The following TCF20 variants were observed in gnomAD, a reference collection of about 807,000 sequenced individuals.
The protein encoded by TCF20 is transcription factor 20.
In TCF20, 3 loss-of-function variants were observed where a neutral mutation model predicts 148.6. The ratio of observed to expected loss-of-function variants is 0.02; its 90% CI spans 0.01 to 0.05. TCF20 has a LOEUF of 0.05. TCF20 is among the 10% of genes least tolerant of loss of function. The pLI is 1.00. For missense variants in TCF20, 2,350 were observed against 2,429.3 expected (o/e 0.97, Z 0.69); for synonymous variants, 1,049 against 909.5 (o/e 1.15, Z -2.76).
chr22:42,283,182 C>T (rs926174935), intron 1 of TCF20, among the ~76,000 whole-genome samples: 5 of 152,250 alleles, frequency 3.3e-5, no homozygotes, highest in African/African-American at 1.2e-4. Flanking sequence ...TCGGCCCTCG[C>T]TCCGTGCCCA....
intron 2 of TCF20, among the ~76,000 whole-genome samples, chr22:42,192,133 C>T (rs545783746): frequency 1.3e-5 from 2 of 152,274 alleles, no homozygotes; most frequent in Non-Finnish European, 1.5e-5. Flanking sequence ...TGCTTCTCTC[C>T]ATGGCTCATC....
At chr22:42,184,888 G>A (rs931113257) in intron 2 of TCF20, among the ~76,000 whole-genome samples, 2 of 152,128 alleles carry the variant, frequency 1.3e-5, no homozygotes, top group South Asian at 2.1e-4. Context: ...ATGTTTTAAC[G>A]GAAAGTGGCC....
chr22:42,235,261 AGAAAACT>A (rs1334536535), intron 1 of TCF20, among the ~76,000 whole-genome samples: 4 of 152,236 alleles, frequency 2.6e-5, no homozygotes, highest in African/African-American at 7.2e-5. Context: ...CTGAGACAAA[AGAAAACT>A]ACTCCTGACA....
chr22:42,333,639 T>C (rs2096999834), intron 1 of TCF20, among the ~76,000 whole-genome samples: 1 of 152,222 alleles, frequency 6.6e-6, no homozygotes, highest in African/African-American at 2.4e-5. Context: ...TGAGCCAGCT[T>C]GCCCCTCGCC....
chr22:42,174,908 G>A (rs960887267), intron 3 of TCF20, among the ~76,000 whole-genome samples: 12 of 151,978 alleles, frequency 7.9e-5, no homozygotes, highest in South Asian at 2.1e-4. Flanking sequence ...GGCGGCGGGC[G>A]CCTGTAGTCC....
rs1926864910 is a variant in TCF20 at position 42,279,941 on chromosome 22, C to A, written c.-37+3886G>T. Among the ~76,000 whole-genome samples, 1 of 129,822 alleles carries A rather than the reference C, an allele frequency of 7.7e-6. No individual in the cohort carries two copies. Among genetic ancestry groups the A allele is most frequent in the African/African-American group, 2.5e-5 (1 of 40,350 alleles). 85.2% of individuals were successfully genotyped at this position (129,822 alleles called of 152,430 possible). ...GTGATGGGGTGTGTTGTCTATGGGG[C>A]TCTTGTGCCCTCTGGGGGCCTCTGG... On this transcript the variant is annotated intron_variant, in intron 1 of 5. Transcript: ENST00000359486. The surrounding 1 kb of genome is among the most constrained non-coding windows in gnomAD (Gnocchi z 4.3).
intron 1 of TCF20, among the ~76,000 whole-genome samples, chr22:42,248,939 A>AGGTTGTGTGT (rs1925138318): frequency 6.6e-6 from 1 of 152,182 alleles, no homozygotes; most frequent in African/African-American, 2.4e-5. Context: ...CTGGTAAAGC[A>AGGTTGTGTGT]CTGTGTTGTG....
At chr22:42,257,922 A>G (rs1234325367) in intron 1 of TCF20, among the ~76,000 whole-genome samples, 1 of 152,186 alleles carries the variant, frequency 6.6e-6, no homozygotes, top group Admixed American at 6.5e-5. Flanking sequence ...ACCTAACTAT[A>G]CAGCTAGTGC....
intron 1 of TCF20, among the ~76,000 whole-genome samples, chr22:42,216,475 G>C (rs1007440619): frequency 6.6e-6 from 1 of 152,180 alleles, no homozygotes; most frequent in Non-Finnish European, 1.5e-5. Context: ...AAACTTTGGA[G>C]TCAACCTCTT....
In TCF20 at chr22:42,317,529, T is replaced by A. The variant is rs1490639339; in HGVS notation, c.-37+25950A>T. On this transcript the variant is annotated intron_variant, in intron 1 of 1. Coordinates refer to the TCF20 transcript ENST00000515426. This position sits in a 1 kb window ranked among gnomAD's most constrained non-coding sequence, Gnocchi z 4.2. ...CATTACCCACTCACTACCTGGTACATGGGCAAAGAAAAATACCCCCATCTC... is the reference window on the plus strand; with the variant it reads ...CATTACCCACTCACTACCTGGTACAAGGGCAAAGAAAAATACCCCCATCTC... Among the ~76,000 whole-genome samples the A allele has an allele frequency of 6.6e-6, 1 of 152,068 alleles. No homozygotes were observed. Among genetic ancestry groups the A allele is most frequent in the Non-Finnish European group, 1.5e-5 (1 of 68,016 alleles).
chr22:42,322,329 A>AT (rs1283382925), intron 1 of TCF20, among the ~76,000 whole-genome samples: 3 of 151,888 alleles, frequency 2.0e-5, no homozygotes, highest in Non-Finnish European at 4.4e-5. Context: ...AGCATGCACC[A>AT]TAAGGGCCTT....
At chr22:42,164,319 A>C (rs1199719693) in intron 5 of TCF20, among the ~76,000 whole-genome samples, 1 of 144,940 alleles carries the variant, frequency 6.9e-6, no homozygotes, top group Non-Finnish European at 1.5e-5. Context: ...GGTTCATGCC[A>C]TTCTCCTGCC....
At chr22:42,331,211 G>A (rs965739746) in intron 1 of TCF20, among the ~76,000 whole-genome samples, 1 of 152,152 alleles carries the variant, frequency 6.6e-6, no homozygotes, top group Admixed American at 6.5e-5. Context: ...AATCAAACCC[G>A]GCCCCAGGAC....
chr22:42,338,811 T>A lies in TCF20; in HGVS notation c.-37+4668A>T, dbSNP rs1248796180. On this transcript the variant is annotated intron_variant, in intron 1 of 1. Coordinates refer to the TCF20 transcript ENST00000515426. The surrounding 1 kb of genome is among the most constrained non-coding windows in gnomAD (Gnocchi z 4.0). ...CCAGATGACAGTTTATTTCAACACATCTCGTATTAAATTGGGCTGGAGTCC... is the reference window on the plus strand; with the variant it reads ...CCAGATGACAGTTTATTTCAACACAACTCGTATTAAATTGGGCTGGAGTCC... Among the ~76,000 whole-genome samples the A allele has an allele frequency of 1.3e-5, 2 of 152,084 alleles. No homozygotes were observed. The highest frequency in any genetic ancestry group is 4.8e-5 in the African/African-American group (2 of 41,398).
At chr22:42,312,696 C>T (rs1393430144) in intron 1 of TCF20, among the ~76,000 whole-genome samples, 1 of 152,144 alleles carries the variant, frequency 6.6e-6, no homozygotes, top group Non-Finnish European at 1.5e-5. Flanking sequence ...TCCCGGTCAC[C>T]CCCCATCCCT....
At chr22:42,323,137 C>G (rs1927765756) in intron 1 of TCF20, among the ~76,000 whole-genome samples, 1 of 151,754 alleles carries the variant, frequency 6.6e-6, no homozygotes. Context: ...AACTCCCAAC[C>G]TCAGGTGGCC....
intron 1 of TCF20, among the ~76,000 whole-genome samples, chr22:42,316,455 G>C (rs1927633147): frequency 6.6e-6 from 1 of 152,146 alleles, no homozygotes; most frequent in South Asian, 2.1e-4. Flanking sequence ...GAGACAGACT[G>C]GCCCACAAGT....
intron 1 of TCF20, among the ~76,000 whole-genome samples, chr22:42,227,731 G>A (rs989125231): frequency 1.3e-4 from 20 of 152,174 alleles, no homozygotes; most frequent in Non-Finnish European, 2.5e-4. Flanking sequence ...CATTTTGCAG[G>A]ATAACCCTCA....
In TCF20 at chr22:42,161,359, C is replaced by CT. The variant is rs781618922; in HGVS notation, c.*45-2dup. ...CACCTTCTCATCTCCACAGTCTCACCTGGAAGACAAGGGACACACAGTGAA... is the reference window on the plus strand; with the variant it reads ...CACCTTCTCATCTCCACAGTCTCACCTTGGAAGACAAGGGACACACAGTGAA... On this transcript the variant is annotated splice_acceptor_variant, in intron 5 of 5. Coordinates refer to ENST00000677622, the MANE Select transcript of TCF20 (RefSeq NM_001378418.1). LOFTEE classifies it low-confidence loss of function (3UTR_SPLICE). 1.2e-6 allele frequency: 2 copies of CT among 1,614,140 alleles called. No individual in the cohort carries two copies. Among genetic ancestry groups the CT allele is most frequent in the South Asian group, 2.2e-5 (2 of 91,074 alleles).
Sources: allele counts gnomAD v4.1 joint callset (sites outside exome capture counted in the v4.1 genomes callset), GRCh38; gene constraint gnomAD v4.1.1; non-coding constraint Gnocchi (gnomAD v3.1); transcripts MANE v1.5; gene names NCBI Gene and HGNC (gene_info 2026-07-23, HGNC 2026-07-21).